CNTN3: variants seen among roughly 807,000 people sequenced by gnomAD.
The protein encoded by CNTN3 is contactin 3.
Under a neutral mutation model 119.1 loss-of-function variants are expected in CNTN3, and 60 were observed. That is an observed-to-expected ratio of 0.50 (90% CI 0.41 to 0.62). The LOEUF is 0.62. Among genes scored for constraint, CNTN3 ranks in the 20% least tolerant of loss-of-function variants. The pLI is 0.00. For synonymous variants in CNTN3, 450 were observed against 438.7 expected, an observed-to-expected ratio of 1.03 and a Z score of -0.32; for missense variants, 1,101 against 1,242.4, an observed-to-expected ratio of 0.89 and a Z score of 1.71.
At chr3:74,307,135 C>T (rs1332405397) in intron 13 of CNTN3, among the ~76,000 whole-genome samples, 3 of 151,976 alleles carry the variant, frequency 2.0e-5, no homozygotes, top group Admixed American at 6.6e-5. Flanking sequence ...GGTAAGAACA[C>T]GGTTTATTTG....
chr3:74,446,105 C>T (rs910638858), intron 4 of CNTN3, among the ~76,000 whole-genome samples: 1 of 152,174 alleles, frequency 6.6e-6, no homozygotes, highest in African/African-American at 2.4e-5. Flanking sequence ...GTCAGAAGAA[C>T]TGGCCTTGAG....
chr3:74,373,735 T>C (rs1229144013), intron 5 of CNTN3, among the ~76,000 whole-genome samples: 1 of 152,134 alleles, frequency 6.6e-6, no homozygotes, highest in East Asian at 1.9e-4. Flanking sequence ...AATCCAAAGG[T>C]TAACATTATT....
intron 13 of CNTN3, among the ~76,000 whole-genome samples, chr3:74,306,914 A>G (rs1431493029): frequency 6.6e-6 from 1 of 152,206 alleles, no homozygotes; most frequent in East Asian, 1.9e-4. Context: ...GAGTTGGAAG[A>G]CAGGCATTAA....
intron 1 of CNTN3, among the ~76,000 whole-genome samples, chr3:74,561,382 C>T (rs1371993598): frequency 6.6e-6 from 1 of 152,112 alleles, no homozygotes; most frequent in African/African-American, 2.4e-5. Context: ...GCAAGAGCCA[C>T]ATGTTCCAGT....
intron 4 of CNTN3, among the ~76,000 whole-genome samples, chr3:74,477,513 T>C (rs551130815): frequency 2.8e-4 from 43 of 152,208 alleles, no homozygotes; most frequent in Non-Finnish European, 1.0e-4. Flanking sequence ...ACACTGCATA[T>C]TATTTGTGGG....
intron 9 of CNTN3, among the ~76,000 whole-genome samples, chr3:74,365,066 T>C (rs147467590): frequency 2.4e-4 from 37 of 152,154 alleles, no homozygotes; most frequent in Middle Eastern, 3.4e-3. Flanking sequence ...CTAGGTAGTA[T>C]GAAAGGTTAG....
In CNTN3 at chr3:74,424,904, A is replaced by C; in HGVS notation, c.395T>G (p.Val132Gly). The change falls in exon 5 of 23, where the codon GTG becomes GGG. Residue 132 changes from valine (V) to glycine (G), a missense_variant. By Grantham distance (109) the Val-to-Gly change is moderately radical. Coordinates refer to ENST00000263665, the MANE Select transcript of CNTN3 (RefSeq NM_020872.3). ...ENFKTKMRSTVSVREGQGVVL... is the reference protein window; with the variant it reads ...ENFKTKMRSTGSVREGQGVVL... Reference sequence around the variant, plus strand: ...AACTCCCTGGCCTTCACGCACAGACACTGTACTCCTCATTTTGGTTTTAAA... The same window carrying C: ...AACTCCCTGGCCTTCACGCACAGACCCTGTACTCCTCATTTTGGTTTTAAA... 1.9e-6 allele frequency: 3 copies of C among 1,612,612 alleles called. No homozygotes were observed. The highest frequency in any genetic ancestry group is 2.5e-6 in the Non-Finnish European group (3 of 1,179,494).
intron 8 of CNTN3, among the ~76,000 whole-genome samples, chr3:74,366,167 GA>G (rs1704180279): frequency 6.6e-6 from 1 of 151,960 alleles, no homozygotes; most frequent in African/African-American, 2.4e-5. Context: ...TACAGCCGAG[GA>G]AAAAATATTT....
In CNTN3 at chr3:74,415,063, G is replaced by T. The variant is rs536906074; in HGVS notation, c.454+9782C>A. On this transcript the variant is annotated intron_variant, in intron 5 of 22. Coordinates refer to ENST00000263665, the MANE Select transcript of CNTN3 (RefSeq NM_020872.3). ...TTGAAGCACTATCTCTCGAACAGTA[G>T]ATTTAAACCCCTGAGTTTCCACATG... Among the ~76,000 whole-genome samples the T allele has an allele frequency of 3.3e-5, 5 of 152,158 alleles. No individual in the cohort carries two copies. In the South Asian group the frequency reaches 1.0e-3, roughly 32 times the overall value.
intron 2 of CNTN3, among the ~76,000 whole-genome samples, chr3:74,512,536 G>A (rs953265824): frequency 6.6e-6 from 1 of 151,658 alleles, no homozygotes; most frequent in Admixed American, 6.6e-5. Context: ...CAATATCAAT[G>A]GGAAACTCAA....
intron 4 of CNTN3, among the ~76,000 whole-genome samples, chr3:74,460,239 G>C (rs1296611561): frequency 6.6e-6 from 1 of 151,916 alleles, no homozygotes; most frequent in East Asian, 1.9e-4. Flanking sequence ...TTACCTTACA[G>C]TCTGAGCCTT....
chr3:74,437,450 A>G (rs1701887729), intron 4 of CNTN3, among the ~76,000 whole-genome samples: 1 of 152,170 alleles, frequency 6.6e-6, no homozygotes, highest in African/African-American at 2.4e-5. Context: ...TGACAGCGCG[A>G]GACTCTGTCT....
intron 1 of CNTN3, among the ~76,000 whole-genome samples, chr3:74,549,552 CT>C (rs200940511): frequency 0.034 from 5,067 of 149,208 alleles, 130 homozygotes; most frequent in African/African-American, 0.064. Context: ...CCTAGCTGGA[CT>C]TTTTTTTTTA....
chr3:74,595,930 T>C (rs894948440), intron 1 of CNTN3, among the ~76,000 whole-genome samples: 1 of 151,964 alleles, frequency 6.6e-6, no homozygotes, highest in Non-Finnish European at 1.5e-5. Flanking sequence ...TGATAGTATA[T>C]CTAGAAAACC....
chr3:74,327,701 T>C (rs1356782616), intron 13 of CNTN3, among the ~76,000 whole-genome samples: 4 of 152,100 alleles, frequency 2.6e-5, no homozygotes, highest in Non-Finnish European at 2.9e-5. Context: ...AAATCCTTAT[T>C]ATTGGTGGAG....
At chr3:74,482,434 A>T (rs1419739666) in intron 4 of CNTN3, among the ~76,000 whole-genome samples, 1 of 152,078 alleles carries the variant, frequency 6.6e-6, no homozygotes, top group East Asian at 1.9e-4. Flanking sequence ...GCTGATAAAT[A>T]TGTGATAAAG....
intron 1 of CNTN3, among the ~76,000 whole-genome samples, chr3:74,587,704 T>C (rs1327006977): frequency 3.3e-5 from 5 of 152,136 alleles, no homozygotes; most frequent in Non-Finnish European, 1.5e-5. Context: ...GCTGAGACAA[T>C]GGGGTTTTCT....
intron 1 of CNTN3, among the ~76,000 whole-genome samples, chr3:74,586,046 T>A (rs1422233861): frequency 6.6e-6 from 1 of 152,160 alleles, no homozygotes; most frequent in Non-Finnish European, 1.5e-5. Context: ...TCAGACTTCA[T>A]TCCTCAAAGA....
At chr3:74,321,311 AT>A (rs1226855832) in intron 13 of CNTN3, among the ~76,000 whole-genome samples, 1 of 152,198 alleles carries the variant, frequency 6.6e-6, no homozygotes, top group African/African-American at 2.4e-5. Context: ...TATATATTAT[AT>A]GATTTTATCT....
Sources: gnomAD v4.1 joint callset for allele counts (sites outside exome capture counted in the v4.1 genomes callset) on GRCh38, gnomAD v4.1.1 for gene constraint, MANE v1.5 for transcripts, NCBI Gene and HGNC (gene_info 2026-07-23, HGNC 2026-07-21) for gene names.